The following APP variants were observed in gnomAD, a reference collection of about 807,000 sequenced individuals.
APP encodes amyloid beta precursor protein.
Under a neutral mutation model 101.4 loss-of-function variants are expected in APP, and 31 were observed. The observed-to-expected ratio is 0.31, with a 90% CI of 0.23 to 0.41. The LOEUF (loss-of-function observed/expected upper bound fraction) is 0.41. APP is among the 10% of genes least tolerant of loss of function. The probability of loss-of-function intolerance (pLI) is 1.00; values close to 1 mark genes in which losing one functional copy is unlikely to be tolerated. For synonymous variants in APP, 366 were observed against 364.4 expected (o/e 1.00, Z -0.05); for missense variants, 839 against 1,003.7 (o/e 0.84, Z 2.22).
chr21:26,091,748 T>C (rs925559812), intron 2 of APP, among the ~76,000 whole-genome samples: 21 of 150,494 alleles, frequency 1.4e-4, no homozygotes, highest in Non-Finnish European at 2.5e-4. Flanking sequence ...AAAGGAAGAG[T>C]GGTTTGGAAA....
chr21:25,992,053 C>T (rs946992461), intron 8 of APP, among the ~76,000 whole-genome samples: 1 of 152,152 alleles, frequency 6.6e-6, no homozygotes, highest in Non-Finnish European at 1.5e-5. Context: ...CACAGTGCAA[C>T]GTACAGAAAC....
chr21:25,969,334 C>T (rs926054702), intron 11 of APP, among the ~76,000 whole-genome samples: 4 of 82,266 alleles, frequency 4.9e-5, no homozygotes, highest in African/African-American at 2.0e-4. Flanking sequence ...GGCGACAAAG[C>T]AAGACTCTGT....
At chr21:26,027,791 G>C (rs1046964379) in intron 5 of APP, among the ~76,000 whole-genome samples, 3 of 150,830 alleles carry the variant, frequency 2.0e-5, no homozygotes, top group African/African-American at 7.4e-5. Flanking sequence ...TCAGTAAAAA[G>C]GTTGAAAAGG....
rs1212242759 is a variant in APP at position 26,065,879 on chromosome 21, A to AGTTGTTAAAGCTTTCCAGATTAGGG, written c.356-12556_356-12532dup. Among the ~76,000 whole-genome samples the AGTTGTTAAAGCTTTCCAGATTAGGG allele has an allele frequency of 1.3e-3, 200 of 152,344 alleles. No homozygotes were observed. The Middle Eastern group carries it at 0.02, about 16-fold the overall frequency. On this transcript the variant is annotated intron_variant, in intron 3 of 17. Transcript: ENST00000346798. ...TAAAAGATGGAATTGTAAGAGTAAT[A>AGTTGTTAAAGCTTTCCAGATTAGGG]GTTGTTAAAGCTTTCCAGATTAGGG...
intron 9 of APP, among the ~76,000 whole-genome samples, chr21:25,976,299 G>C (rs751547119): frequency 4.0e-5 from 6 of 151,830 alleles, no homozygotes; most frequent in Non-Finnish European, 7.4e-5. Context: ...CCCGAGAACT[G>C]ACAGTCATTT....
chr21:26,150,168 C>A (rs767496425), intron 1 of APP, among the ~76,000 whole-genome samples: 3 of 152,090 alleles, frequency 2.0e-5, no homozygotes, highest in Non-Finnish European at 2.9e-5. Context: ...GCATACACAC[C>A]ATTTTAACAA....
At chr21:26,086,802 T>C (rs2061714899) in intron 3 of APP, among the ~76,000 whole-genome samples, 1 of 152,226 alleles carries the variant, frequency 6.6e-6, no homozygotes. Context: ...TGCTATTGTC[T>C]CTAATTCATA....
intron 2 of APP, among the ~76,000 whole-genome samples, chr21:26,098,889 G>C (rs969720484): frequency 2.6e-5 from 4 of 152,318 alleles, no homozygotes; most frequent in African/African-American, 4.8e-5. Flanking sequence ...GTCACTGAAA[G>C]AGATGAGCTG....
At chr21:26,078,576 G>A (rs2061538259) in intron 3 of APP, among the ~76,000 whole-genome samples, 1 of 152,288 alleles carries the variant, frequency 6.6e-6, no homozygotes. Flanking sequence ...AATAATAGCT[G>A]TCTGTACCAC....
intron 1 of APP, among the ~76,000 whole-genome samples, chr21:26,112,596 C>A (rs979889066): frequency 6.6e-6 from 1 of 152,202 alleles, no homozygotes; most frequent in Admixed American, 6.5e-5. Flanking sequence ...AATATTTGTG[C>A]CACCTCTCAG....
chr21:26,073,125 T>A (rs1246576659), intron 3 of APP, among the ~76,000 whole-genome samples: 1 of 151,886 alleles, frequency 6.6e-6, no homozygotes, highest in Admixed American at 6.6e-5. Flanking sequence ...ACTTATGAGA[T>A]CTCCTAGCAA....
chr21:26,126,359 G>A (rs1333419863), intron 1 of APP, among the ~76,000 whole-genome samples: 2 of 152,146 alleles, frequency 1.3e-5, no homozygotes, highest in Non-Finnish European at 2.9e-5. Flanking sequence ...TACACCTAAC[G>A]CTAACCAACT....
chr21:25,967,751 G>A (rs998899575), intron 11 of APP, among the ~76,000 whole-genome samples: 15 of 152,196 alleles, frequency 9.9e-5, no homozygotes, highest in African/African-American at 3.6e-4. Flanking sequence ...TTTAGTTCCT[G>A]TTTCATGAAG....
At chr21:26,166,906 A>G (rs461699) in intron 1 of APP, among the ~76,000 whole-genome samples, 990 of 37,916 alleles carry the variant, frequency 0.026, 10 homozygotes, top group African/African-American at 0.082. Flanking sequence ...GAGAGAGAGA[A>G]AGAGAGAGAA....
At chr21:26,065,897 G>T (rs2046435964) in intron 3 of APP, among the ~76,000 whole-genome samples, 1 of 152,168 alleles carries the variant, frequency 6.6e-6, no homozygotes, top group Non-Finnish European at 1.5e-5. Flanking sequence ...AAGCTTTCCA[G>T]ATTAGGGGTT....
At chr21:26,101,359 T>G (rs1383605398) in intron 2 of APP, among the ~76,000 whole-genome samples, 1 of 152,072 alleles carries the variant, frequency 6.6e-6, no homozygotes, top group South Asian at 2.1e-4. Flanking sequence ...GGCCTCCCAA[T>G]GTGCTGGGAT....
At chr21:26,072,238 T>C (rs1039024988) in intron 3 of APP, among the ~76,000 whole-genome samples, 2 of 152,236 alleles carry the variant, frequency 1.3e-5, no homozygotes, top group South Asian at 4.1e-4. Flanking sequence ...TATGTGCATT[T>C]TTCCAGACCC....
At chr21:25,887,721 G>A (rs530707545) in intron 17 of APP, among the ~76,000 whole-genome samples, 1 of 152,202 alleles carries the variant, frequency 6.6e-6, no homozygotes, top group African/African-American at 2.4e-5. Context: ...CTGCCAGTGT[G>A]TTACAACTGT....
chr21:26,051,295 A>G (rs2045829420), intron 4 of APP, 102 bp from the exon 5 acceptor site: 26 of 1,192,358 alleles, frequency 2.2e-5, no homozygotes, highest in Non-Finnish European at 3.2e-5. Flanking sequence ...ATATATTAGG[A>G]ACCAATTTCA....
Sources: allele counts gnomAD v4.1 joint callset (sites outside exome capture counted in the v4.1 genomes callset), GRCh38; gene constraint gnomAD v4.1.1; transcripts MANE v1.5; gene names NCBI Gene and HGNC (gene_info 2026-07-23, HGNC 2026-07-21).